Variants in CDC14A observed in about 807,000 individuals in gnomAD.
CDC14A encodes the protein cell division cycle 14A.
Under a neutral mutation model 74.4 loss-of-function variants are expected in CDC14A, and 53 were observed. The observed-to-expected ratio is 0.71, with a 90% CI of 0.57 to 0.89. The LOEUF is 0.89. CDC14A is among the 40% of genes least tolerant of loss of function. The pLI is 0.00. For synonymous variants in CDC14A, 247 were observed against 258.4 expected (o/e 0.96, Z 0.43); for missense variants, 646 against 713.7 (o/e 0.91, Z 1.08).
intron 7 of CDC14A, among the ~76,000 whole-genome samples, chr1:100,444,933 C>A (rs935065342): frequency 6.6e-6 from 1 of 151,746 alleles, no homozygotes; most frequent in African/African-American, 2.4e-5. Context: ...GAAAAAAACC[C>A]AAAGAGAGTT....
chr1:100,429,283 A>T (rs1475003599), intron 5 of CDC14A, among the ~76,000 whole-genome samples: 2 of 151,788 alleles, frequency 1.3e-5, no homozygotes, highest in Non-Finnish European at 2.9e-5. Context: ...AATTATGCTG[A>T]CAATAAATAA....
intron 2 of CDC14A, among the ~76,000 whole-genome samples, chr1:100,366,379 A>C (rs1312266584): frequency 6.6e-6 from 1 of 152,224 alleles, no homozygotes; most frequent in Admixed American, 6.5e-5. Flanking sequence ...TTTTCACATG[A>C]AGCTTCTAAT....
chr1:100,446,418 T>A (rs1665547907), intron 7 of CDC14A, among the ~76,000 whole-genome samples: 1 of 152,216 alleles, frequency 6.6e-6, no homozygotes, highest in African/African-American at 2.4e-5. Context: ...GTGTAAAGTC[T>A]ACAGATAAAC....
intron 8 of CDC14A, 130 bp from the exon 9 acceptor site, chr1:100,462,521 T>G (rs866246182): frequency 1.4e-6 from 1 of 699,184 alleles, no homozygotes; most frequent in South Asian, 1.8e-5. Flanking sequence ...TGTGACCTCT[T>G]CTCTCACACA....
In CDC14A at chr1:100,508,764, A is replaced by G. The variant is rs1425348494; in HGVS notation, c.1756-9487A>G. On this transcript the variant is annotated intron_variant, in intron 15 of 15. Transcript: ENST00000336454. This position sits in a 1 kb window ranked among gnomAD's most constrained non-coding sequence, Gnocchi z 4.4. ...ATTTCAGGCCAGGGGCTTTCGACCT[A>G]TGTACCCACATGAATGGAACACCCA... 6.6e-6 allele frequency among the ~76,000 whole-genome samples: 1 copy of G among 152,120 alleles called. No homozygotes were observed. The highest frequency in any genetic ancestry group is 1.5e-5 in the Non-Finnish European group (1 of 68,028).
intron 4 of CDC14A, among the ~76,000 whole-genome samples, chr1:100,392,123 G>A (rs979506410): frequency 6.6e-6 from 1 of 152,152 alleles, no homozygotes; most frequent in Non-Finnish European, 1.5e-5. Context: ...CAGTTCTTAG[G>A]ATACTGAGAG....
chr1:100,501,523 G>A (rs1648729947), intron 15 of CDC14A, among the ~76,000 whole-genome samples: 2 of 152,156 alleles, frequency 1.3e-5, no homozygotes, highest in Non-Finnish European at 2.9e-5. Flanking sequence ...CAGACCTACT[G>A]TGCTGCAGCC....
chr1:100,474,009 C>G (rs1032851048), intron 10 of CDC14A, among the ~76,000 whole-genome samples: 3 of 152,052 alleles, frequency 2.0e-5, no homozygotes, highest in African/African-American at 7.3e-5. Flanking sequence ...TTTATCAGGT[C>G]GAGGCGGTTC....
rs375533263 is a variant in CDC14A, at chr1:100,494,906, G to A, written c.1226G>A (p.Arg409His). The A allele has an allele frequency of 5.6e-6, 9 of 1,608,294 alleles. No individual in the cohort carries two copies. Among genetic ancestry groups the A allele is most frequent in the African/African-American group, 5.3e-5 (4 of 74,768 alleles). Residue 409 changes from arginine (R) to histidine (H), a missense_variant, in exon 12 of 16, where the codon CGT becomes CAT. Arg to His is a conservative substitution (Grantham distance 29, BLOSUM62 0). Coordinates refer to ENST00000336454, the MANE Select transcript of CDC14A (RefSeq NM_003672.4). ...LRALKSQRQP[R>H]TSPSCAFRSD... ...GCCTTAAAAAGTCAGAGACAGCCACGTACCTCACCATCCTGTGCATTTAGG... is the reference window on the plus strand; with the variant it reads ...GCCTTAAAAAGTCAGAGACAGCCACATACCTCACCATCCTGTGCATTTAGG...
intron 7 of CDC14A, among the ~76,000 whole-genome samples, chr1:100,454,878 TG>T (rs1459902260): frequency 1.3e-5 from 2 of 152,106 alleles, no homozygotes; most frequent in Non-Finnish European, 2.9e-5. Context: ...GTTTGTGGAA[TG>T]GATGCGCCAA....
At chr1:100,517,390 G>C (rs1650315425) in intron 15 of CDC14A, among the ~76,000 whole-genome samples, 1 of 152,138 alleles carries the variant, frequency 6.6e-6, no homozygotes, top group Admixed American at 6.5e-5. Context: ...AGTAAACTTT[G>C]TTATCCTCAG....
At position 100,462,724 on chromosome 1, in the gene CDC14A, A is replaced by G. The variant is rs1230618667; in HGVS notation, c.681A>G (p.Leu227=). Reference sequence around the variant, plus strand: ...ATAATGTGACTGCAGTTGTGAGGCTAAACAAAAAGATTTATGAGGCAAAGC... The same window carrying G: ...ATAATGTGACTGCAGTTGTGAGGCTGAACAAAAAGATTTATGAGGCAAAGC... The part of the protein sequence containing the change: ...KKHNVTAVVR[L]NKKIYEAKRF... The change falls in exon 9 of 16, where the codon CTA becomes CTG. Residue 227 remains leucine (L), a synonymous_variant. Transcript: ENST00000336454. The G allele has an allele frequency of 2.5e-6, 4 of 1,614,038 alleles. No homozygotes were observed. Among genetic ancestry groups the G allele is most frequent in the Non-Finnish European group, 3.4e-6 (4 of 1,180,014 alleles).
upstream of CDC14A, among the ~76,000 whole-genome samples, chr1:100,352,178 G>T (rs903032918): frequency 6.6e-6 from 1 of 152,196 alleles, no homozygotes; most frequent in Non-Finnish European, 1.5e-5. Context: ...CGCCTTTGGC[G>T]ATGTCCACTC....
chr1:100,512,552 C>A (rs1037722583), intron 15 of CDC14A, among the ~76,000 whole-genome samples: 6 of 152,022 alleles, frequency 3.9e-5, no homozygotes, highest in Non-Finnish European at 8.8e-5. Flanking sequence ...TTCAGATGAA[C>A]TGAAAACACT....
chr1:100,382,962 T>A (rs17122356), intron 3 of CDC14A, among the ~76,000 whole-genome samples: 2,319 of 152,336 alleles, frequency 0.015, 61 homozygotes, highest in African/African-American at 0.053. Flanking sequence ...ACACCAGAAC[T>A]CTTTTGATGT....
chr1:100,422,117 A>G (rs769068374), intron 4 of CDC14A, among the ~76,000 whole-genome samples: 2 of 152,136 alleles, frequency 1.3e-5, no homozygotes, highest in Non-Finnish European at 2.9e-5. Flanking sequence ...CTTATTAATA[A>G]TTGAGCACTG....
rs186013067 is a variant in CDC14A at position 100,429,096 on chromosome 1, C to T, written c.389+4795C>T. Among the ~76,000 whole-genome samples, 498 of 151,732 alleles carry T rather than the reference C, an allele frequency of 3.3e-3. 5 individuals carry two copies. The highest frequency in any genetic ancestry group is 6.8e-3 in the Middle Eastern group (2 of 294). On this transcript the variant is annotated intron_variant, in intron 5 of 15. Coordinates refer to ENST00000336454, the MANE Select transcript of CDC14A (RefSeq NM_003672.4). ...GCATGTGCCTGTAGTCCCAGCTACT[C>T]GGGAGGCTGAGGCAGGAGAATTGAT...
At position 100,494,857 on chromosome 1, in the gene CDC14A, A is replaced by G. The variant is rs751624919; in HGVS notation, c.1177A>G (p.Ile393Val). 8.1e-6 allele frequency: 13 copies of G among 1,613,314 alleles called. No individual in the cohort carries two copies. In the African/African-American group the frequency reaches 1.5e-4, roughly 18 times the overall value. ...EDDDVEMKNG[I>V]TQGDKLRALK... ...TGATGATGTGGAAATGAAAAATGGT[A>G]TAACCCAGGGAGACAAACTACGTGC... The change falls in exon 12 of 16, where the codon ATA becomes GTA. Residue 393 changes from isoleucine (I) to valine (V), a missense_variant. By Grantham distance (29) the Ile-to-Val change is conservative. Coordinates refer to ENST00000336454, the MANE Select transcript of CDC14A (RefSeq NM_003672.4).
intron 10 of CDC14A, chr1:100,481,223 A>T (rs1400533841): frequency 6.6e-6 from 1 of 152,234 alleles, no homozygotes; most frequent in African/African-American, 2.4e-5. Context: ...CAAGCTAGAG[A>T]GTGGGTTATG....
Sources: allele counts gnomAD v4.1 joint callset (sites outside exome capture counted in the v4.1 genomes callset), GRCh38; gene constraint gnomAD v4.1.1; non-coding constraint Gnocchi (gnomAD v3.1); transcripts MANE v1.5; gene names NCBI Gene and HGNC (gene_info 2026-07-23, HGNC 2026-07-21).